Variants in UBAC2 observed in about 807,000 individuals in gnomAD.
The protein encoded by UBAC2 is UBA domain containing 2.
In UBAC2, 26 loss-of-function variants were observed where a neutral mutation model predicts 44.0. That is an observed-to-expected ratio of 0.59 (90% CI 0.43 to 0.82). The LOEUF (loss-of-function observed/expected upper bound fraction) is 0.82. Ranked by LOEUF, UBAC2 falls within the 40% of genes least tolerant of loss-of-function variation. The pLI is 0.00. For missense variants in UBAC2, 329 were observed against 419.4 expected (o/e 0.78, Z 1.88); for synonymous variants, 155 against 154.3 (o/e 1.00, Z -0.04).
intron 4 of UBAC2, among the ~76,000 whole-genome samples, chr13:99,290,778 A>G (rs540294735): frequency 6.3e-4 from 96 of 152,064 alleles, no homozygotes; most frequent in African/African-American, 2.1e-3. Context: ...GATAGGGAAG[A>G]GTGCATTTAA....
intron 7 of UBAC2, among the ~76,000 whole-genome samples, chr13:99,366,065 A>T (rs752257092): frequency 1.3e-5 from 2 of 152,120 alleles, no homozygotes; most frequent in Non-Finnish European, 2.9e-5. Context: ...ATCTCTTTAC[A>T]TCAACTTGTG....
intron 4 of UBAC2, chr13:99,254,831 T>G: frequency 6.9e-7 from 1 of 1,452,686 alleles, no homozygotes; most frequent in Non-Finnish European, 9.5e-7. Flanking sequence ...CCAGAGTAGT[T>G]AGTGAAGTGA....
intron 1 of UBAC2, among the ~76,000 whole-genome samples, chr13:99,237,477 C>T (rs1425077704): frequency 6.6e-6 from 1 of 151,898 alleles, no homozygotes; most frequent in Non-Finnish European, 1.5e-5. Context: ...TTATCAGAGG[C>T]TGGGAAGGGT....
rs1038965122 is a variant in UBAC2 at position 99,295,408 on chromosome 13, A to G, written c.390-18689A>G. On this transcript the variant is annotated intron_variant, in intron 4 of 8. Coordinates refer to ENST00000403766, the MANE Select transcript of UBAC2 (RefSeq NM_001144072.2). The surrounding 1 kb of genome is among the most constrained non-coding windows in gnomAD (Gnocchi z 4.1). Reference sequence around the variant, plus strand: ...GAACAAACACAACAATAATAAGAATAATTGTGTTGAGAGCCTTTTTGTTTA... The same window carrying G: ...GAACAAACACAACAATAATAAGAATGATTGTGTTGAGAGCCTTTTTGTTTA... 2 of 1,613,954 alleles carry G rather than the reference A, an allele frequency of 1.2e-6. No homozygotes were observed. Among genetic ancestry groups the G allele is most frequent in the Non-Finnish European group, 1.7e-6 (2 of 1,179,986 alleles).
At chr13:99,254,345 T>C (rs929691276) in intron 4 of UBAC2, among the ~76,000 whole-genome samples, 5 of 152,228 alleles carry the variant, frequency 3.3e-5, no homozygotes, top group Admixed American at 6.5e-5. Flanking sequence ...TTTAAAAGAA[T>C]GAATTCAGAG....
intron 4 of UBAC2, among the ~76,000 whole-genome samples, chr13:99,245,851 A>AC (rs1475599784): frequency 2.6e-5 from 4 of 151,872 alleles, no homozygotes; most frequent in African/African-American, 9.7e-5. Flanking sequence ...CAAACAAAAT[A>AC]CCCCCAAAAA....
chr13:99,228,574 A>C (rs2043138066), intron 1 of UBAC2, among the ~76,000 whole-genome samples: 1 of 152,176 alleles, frequency 6.6e-6, no homozygotes, highest in African/African-American at 2.4e-5. Context: ...GATTATAGGC[A>C]TGAGCCACTG....
rs566090551 is a variant in UBAC2 at position 99,233,976 on chromosome 13, A to C, written c.32-4451A>C. ...AATATTACAGGGTTATTATTTTATT[A>C]TTATTATTATTCTTATTTTCAGTTG... On this transcript the variant is annotated intron_variant, in intron 1 of 8. Transcript: ENST00000403766. Among the ~76,000 whole-genome samples, 17 of 151,958 alleles carry C rather than the reference A, an allele frequency of 1.1e-4. No homozygotes were observed. In the South Asian group the frequency reaches 2.1e-3, roughly 19 times the overall value.
At chr13:99,346,340 A>C (rs1396062476) in intron 7 of UBAC2, among the ~76,000 whole-genome samples, 1 of 152,106 alleles carries the variant, frequency 6.6e-6, no homozygotes, top group Non-Finnish European at 1.5e-5. Context: ...CACAGCCTCC[A>C]CCAGTGATCT....
At chr13:99,255,691 A>G in intron 4 of UBAC2, 1 of 1,614,098 alleles carries the variant, frequency 6.2e-7, no homozygotes, top group Non-Finnish European at 8.5e-7. Flanking sequence ...CACATTCATC[A>G]TATAGATGGT....
At chr13:99,366,933 G>T (rs1360487605) in intron 7 of UBAC2, among the ~76,000 whole-genome samples, 1 of 152,220 alleles carries the variant, frequency 6.6e-6, no homozygotes, top group African/African-American at 2.4e-5. Flanking sequence ...TTAGGTGTTT[G>T]TAGTAGGAAG....
chr13:99,303,163 T>C (rs906787456), intron 4 of UBAC2, among the ~76,000 whole-genome samples: 2 of 152,292 alleles, frequency 1.3e-5, no homozygotes, highest in Non-Finnish European at 1.5e-5. Context: ...CGAAAGGCCA[T>C]TTATAGGACC....
intron 1 of UBAC2, among the ~76,000 whole-genome samples, chr13:99,222,727 T>A (rs192255202): frequency 6.6e-6 from 1 of 152,374 alleles, no homozygotes; most frequent in African/African-American, 2.4e-5. Context: ...GTATTCTTTT[T>A]ATATAATGCT....
intron 1 of UBAC2, among the ~76,000 whole-genome samples, chr13:99,208,232 G>A (rs569604793): frequency 6.6e-6 from 1 of 152,208 alleles, no homozygotes. Flanking sequence ...CCTGACCTCA[G>A]GTGATCCGCC....
At chr13:99,349,876 A>G (rs1420278191) in intron 7 of UBAC2, among the ~76,000 whole-genome samples, 1 of 152,110 alleles carries the variant, frequency 6.6e-6, no homozygotes, top group Non-Finnish European at 1.5e-5. Context: ...AGCCTCCCAC[A>G]AGAAGGTGGT....
intron 4 of UBAC2, among the ~76,000 whole-genome samples, chr13:99,305,863 G>A (rs1337137083): frequency 6.6e-6 from 1 of 152,086 alleles, no homozygotes; most frequent in East Asian, 1.9e-4. Flanking sequence ...AGTTAGATGT[G>A]TGATCATCCA....
At chr13:99,300,763 T>G (rs1453352644) in intron 4 of UBAC2, among the ~76,000 whole-genome samples, 1 of 152,210 alleles carries the variant, frequency 6.6e-6, no homozygotes, top group African/African-American at 2.4e-5. Context: ...GAGTGAGGTG[T>G]TCCTCAGGAT....
intron 8 of UBAC2, among the ~76,000 whole-genome samples, chr13:99,382,515 G>A (rs2045564403): frequency 6.6e-6 from 1 of 152,224 alleles, no homozygotes. Context: ...GGAGGGCAGT[G>A]GCCTCACTGC....
chr13:99,344,502 A>G (rs2044942547), intron 7 of UBAC2, among the ~76,000 whole-genome samples: 1 of 152,176 alleles, frequency 6.6e-6, no homozygotes, highest in Non-Finnish European at 1.5e-5. Context: ...TGTGTATTTC[A>G]TTTAAAATAC....
Sources: gnomAD v4.1 joint callset for allele counts (sites outside exome capture counted in the v4.1 genomes callset) on GRCh38, gnomAD v4.1.1 for gene constraint, Gnocchi (gnomAD v3.1) non-coding constraint, MANE v1.5 for transcripts, NCBI Gene and HGNC (gene_info 2026-07-23, HGNC 2026-07-21) for gene names.